Variants in BBS9 observed in about 807,000 individuals in gnomAD.
BBS9 encodes protein PTHB1.
In BBS9, 89 loss-of-function variants were observed where a neutral mutation model predicts 117.7. The observed-to-expected ratio is 0.76, with a 90% CI of 0.64 to 0.90. The LOEUF is 0.90. BBS9 is among the 40% of genes least tolerant of loss of function. The pLI is 0.00. For missense variants in BBS9, 982 were observed against 1,042.2 expected, an observed-to-expected ratio of 0.94 and a Z score of 0.80; for synonymous variants, 379 against 370.9, an observed-to-expected ratio of 1.02 and a Z score of -0.25.
chr7:33,548,330 C>T (rs1853752563), intron 21 of BBS9, among the ~76,000 whole-genome samples: 1 of 152,060 alleles, frequency 6.6e-6, no homozygotes, highest in Non-Finnish European at 1.5e-5. Flanking sequence ...TATCTTCACC[C>T]ATCTATAAAT....
In BBS9 at chr7:33,600,424, T is replaced by C. The variant is rs570062665; in HGVS notation, c.2522-4441T>C. Among the ~76,000 whole-genome samples the C allele has an allele frequency of 1.0e-3, 158 of 152,126 alleles. 1 individual carries two copies. The highest frequency in any genetic ancestry group is 3.7e-3 in the African/African-American group (155 of 41,462). Reference sequence around the variant, plus strand: ...GTTTTTTTTTTTTGAGAAGCATTGCTGTAAACTATAGAGAGCCGGGTTACA... The same window carrying C: ...GTTTTTTTTTTTTGAGAAGCATTGCCGTAAACTATAGAGAGCCGGGTTACA... On this transcript the variant is annotated intron_variant, in intron 21 of 22. Coordinates refer to ENST00000242067, the MANE Select transcript of BBS9 (RefSeq NM_198428.3).
At chr7:33,205,393 C>T (rs1786709360) in intron 5 of BBS9, among the ~76,000 whole-genome samples, 1 of 152,236 alleles carries the variant, frequency 6.6e-6, no homozygotes, top group African/African-American at 2.4e-5. Flanking sequence ...AACCCATTAG[C>T]TATTGCCCAC....
chr7:33,364,736 C>A (rs959738769), intron 16 of BBS9, among the ~76,000 whole-genome samples: 1 of 137,754 alleles, frequency 7.3e-6, no homozygotes, highest in African/African-American at 2.7e-5. Flanking sequence ...CCTCCTCTCA[C>A]CTCCCCTCCT....
intron 9 of BBS9, among the ~76,000 whole-genome samples, chr7:33,278,054 T>C (rs1186419281): frequency 6.6e-6 from 1 of 152,188 alleles, no homozygotes; most frequent in African/African-American, 2.4e-5. Flanking sequence ...AAAGCTAGCC[T>C]AGCCTAAGCC....
At chr7:33,498,766 T>C (rs1256186843) in intron 19 of BBS9, among the ~76,000 whole-genome samples, 1 of 152,228 alleles carries the variant, frequency 6.6e-6, no homozygotes, top group Non-Finnish European at 1.5e-5. Context: ...TGTCTGTTGA[T>C]GGACATTTGA....
At chr7:33,627,660 T>G (rs1262883313) in intron 21 of BBS9, among the ~76,000 whole-genome samples, 1 of 152,224 alleles carries the variant, frequency 6.6e-6, no homozygotes, top group Non-Finnish European at 1.5e-5. Context: ...CTTGCATCAG[T>G]GTGGCCTGGA....
intron 19 of BBS9, among the ~76,000 whole-genome samples, chr7:33,397,807 C>G (rs1023447421): frequency 9.9e-5 from 15 of 151,996 alleles, no homozygotes; most frequent in African/African-American, 2.9e-4. Context: ...ACTACACACA[C>G]TGGGGCCTGT....
Position 33,383,837 on chromosome 7 carries a change from A to C in BBS9, c.1961A>C (p.Glu654Ala), listed in dbSNP as rs147334286. 6.2e-7 allele frequency: 1 copy of C among 1,610,948 alleles called. No individual in the cohort carries two copies. Among genetic ancestry groups the C allele is most frequent in the Non-Finnish European group, 8.5e-7 (1 of 1,179,236 alleles). The change falls in exon 18 of 23, where the codon GAG becomes GCG. Residue 654 changes from glutamate to alanine, a missense_variant and splice_region_variant. By Grantham distance (107) the Glu-to-Ala change is moderately radical. Coordinates refer to ENST00000242067, the MANE Select transcript of BBS9 (RefSeq NM_198428.3). ...EYFELIDHHF[E>A]LRINGEKLEE... is the part of the protein sequence containing the mutation. ...TTTGAGTTGATTGATCATCATTTTG[A>C]GGTATGTATGATCATAACCCACATC...
chr7:33,326,828 T>A (rs1490587198), intron 9 of BBS9, among the ~76,000 whole-genome samples: 1 of 151,806 alleles, frequency 6.6e-6, no homozygotes, highest in Non-Finnish European at 1.5e-5. Flanking sequence ...AGTGCCTTAT[T>A]CTACTGTGGA....
At chr7:33,270,996 AG>A (rs1799697705) in intron 7 of BBS9, among the ~76,000 whole-genome samples, 1 of 152,254 alleles carries the variant, frequency 6.6e-6, no homozygotes, top group Non-Finnish European at 1.5e-5. Flanking sequence ...GAGCTCCATC[AG>A]GCTAATAGCG....
At chr7:33,285,029 A>G (rs1343440902) in intron 9 of BBS9, among the ~76,000 whole-genome samples, 1 of 152,186 alleles carries the variant, frequency 6.6e-6, no homozygotes, top group African/African-American at 2.4e-5. Flanking sequence ...AGTATATAAT[A>G]TGCCATTATT....
At chr7:33,237,689 T>C (rs1196959181) in intron 5 of BBS9, among the ~76,000 whole-genome samples, 6 of 152,132 alleles carry the variant, frequency 3.9e-5, no homozygotes, top group Non-Finnish European at 7.4e-5. Context: ...TCAACAACCA[T>C]TTAAATTAAC....
In BBS9 at chr7:33,282,608, G is replaced by A. The variant is rs375202867; in HGVS notation, c.1016+8652G>A. On this transcript the variant is annotated intron_variant, in intron 9 of 22. Transcript: ENST00000242067. ...AGGCTGGTCTTGAACTCCTGACCTC[G>A]TGAGTCACCCGCCTCGCCTCCCAAA... Among the ~76,000 whole-genome samples, 18 of 152,074 alleles carry A rather than the reference G, an allele frequency of 1.2e-4. No individual in the cohort carries two copies. The South Asian group carries it at 2.9e-3, about 25-fold the overall frequency.
intron 9 of BBS9, among the ~76,000 whole-genome samples, chr7:33,298,402 T>C (rs2128418288): frequency 6.6e-6 from 1 of 152,272 alleles, no homozygotes; most frequent in African/African-American, 2.4e-5. Flanking sequence ...AGTTAACTTT[T>C]TATTAGACTG....
intron 5 of BBS9, among the ~76,000 whole-genome samples, chr7:33,247,004 G>A (rs1328315988): frequency 1.3e-5 from 2 of 152,002 alleles, no homozygotes; most frequent in African/African-American, 4.8e-5. Context: ...AGTTCCGAGA[G>A]ACTTCTCATA....
At chr7:33,330,854 ATTT>A (rs1034406538) in intron 9 of BBS9, among the ~76,000 whole-genome samples, 1 of 152,176 alleles carries the variant, frequency 6.6e-6, no homozygotes, top group African/African-American at 2.4e-5. Flanking sequence ...AGAGACCTTG[ATTT>A]TGTCAATGTT....
At chr7:33,351,777 C>CTGAT (rs1818695493) in intron 14 of BBS9, 1 of 261,442 alleles carries the variant, frequency 3.8e-6, no homozygotes, top group Non-Finnish European at 7.5e-6. Context: ...ACCAGGGCTC[C>CTGAT]CACACCTGAG....
chr7:33,353,434 G>A (rs373834328), intron 15 of BBS9, among the ~76,000 whole-genome samples: 1 of 151,998 alleles, frequency 6.6e-6, no homozygotes. Context: ...CAAATCTTTT[G>A]TTTGACTCTG....
intron 20 of BBS9, 143 bp downstream of exon 20, chr7:33,505,788 A>T: frequency 3.4e-6 from 3 of 884,070 alleles, no homozygotes; most frequent in Admixed American, 5.3e-5. Context: ...CTTGTCTTTA[A>T]ACCATAATAA....
Sources: gnomAD v4.1 joint callset for allele counts (sites outside exome capture counted in the v4.1 genomes callset) on GRCh38, gnomAD v4.1.1 for gene constraint, MANE v1.5 for transcripts, NCBI Gene and HGNC (gene_info 2026-07-23, HGNC 2026-07-21) for gene names.